The following SPECC1 variants were observed in gnomAD, a reference collection of about 807,000 sequenced individuals.
The protein encoded by SPECC1 is cytospin-B.
SPECC1 carries 62 observed loss-of-function variants against 104.1 expected under a neutral mutation model. That is an observed-to-expected ratio of 0.60 (90% CI 0.49 to 0.74). The LOEUF (loss-of-function observed/expected upper bound fraction) is 0.74. Ranked by LOEUF, SPECC1 falls within the 30% of genes least tolerant of loss-of-function variation. The pLI is 0.00. For missense variants in SPECC1, 1,306 were observed against 1,310.5 expected (o/e 1.00, Z 0.05); for synonymous variants, 513 against 501.6 (o/e 1.02, Z -0.30).
chr17:20,317,259 A>ATTT lies in SPECC1; in HGVS notation c.*3213_*3215dup, dbSNP rs762643888. 8.5e-4 allele frequency: 59 copies of ATTT among 69,674 alleles called. 5 individuals are homozygous for ATTT. The highest frequency in any genetic ancestry group is 1.1e-3 in the Non-Finnish European group (45 of 42,722). 4.3% of individuals were successfully genotyped at this position (69,674 alleles called of 1,614,324 possible). ...GCAAGACCTCTGACTCTATAAAAAA[A>ATTT]TTTTTTTTTTTTTTTTTTTTTGAGA... On this transcript the variant is annotated 3_prime_UTR_variant, in exon 15 of 15. Transcript: ENST00000395527.
chr17:20,125,864 A>C (rs1171830932), intron 3 of SPECC1, among the ~76,000 whole-genome samples: 1 of 152,164 alleles, frequency 6.6e-6, no homozygotes. Context: ...AAGGTGCTGA[A>C]TTCTAAGCTT....
At chr17:20,288,255 C>T (rs73307292) in intron 12 of SPECC1, among the ~76,000 whole-genome samples, 3,148 of 152,136 alleles carry the variant, frequency 0.021, 124 homozygotes, top group African/African-American at 0.072. Context: ...GTGGACATAA[C>T]GTGTGCATGT....
chr17:20,308,777 G>C (rs1200971997), intron 14 of SPECC1, among the ~76,000 whole-genome samples: 1 of 152,202 alleles, frequency 6.6e-6, no homozygotes, highest in Non-Finnish European at 1.5e-5. Flanking sequence ...TTACACATCT[G>C]ACCAGGGTGG....
chr17:20,139,939 G>A (rs771583730), intron 3 of SPECC1, among the ~76,000 whole-genome samples: 9 of 152,114 alleles, frequency 5.9e-5, no homozygotes, highest in Non-Finnish European at 1.0e-4. Flanking sequence ...CTCCCAAAGT[G>A]CCGGGATTAC....
chr17:20,210,402 C>T (rs2703810), intron 4 of SPECC1, among the ~76,000 whole-genome samples: 107,804 of 152,154 alleles, frequency 0.71, 40,004 homozygotes, highest in East Asian at 0.99. Flanking sequence ...TCTGGACCTC[C>T]TGCCAGGGGT....
At chr17:20,087,803 G>A (rs933277292) in intron 1 of SPECC1, among the ~76,000 whole-genome samples, 1 of 152,234 alleles carries the variant, frequency 6.6e-6, no homozygotes, top group Non-Finnish European at 1.5e-5. Flanking sequence ...ATCGATGGCA[G>A]TGAGAGTCTT....
intron 7 of SPECC1, among the ~76,000 whole-genome samples, chr17:20,243,939 A>G (rs998855853): frequency 6.6e-6 from 1 of 152,174 alleles, no homozygotes; most frequent in Non-Finnish European, 1.5e-5. Flanking sequence ...GAAGGTGGCC[A>G]GGCGCAGTGG....
chr17:20,200,890 TAAAAA>T (rs752221811), intron 3 of SPECC1, among the ~76,000 whole-genome samples: 1 of 125,256 alleles, frequency 8.0e-6, no homozygotes. Flanking sequence ...ACAGACATAG[TAAAAA>T]AAAAAAAAAA....
intron 1 of SPECC1, among the ~76,000 whole-genome samples, chr17:20,094,880 A>G (rs1189619185): frequency 6.6e-6 from 1 of 152,226 alleles, no homozygotes; most frequent in African/African-American, 2.4e-5. Flanking sequence ...AATTACAGGC[A>G]TGAGCCACTG....
intron 3 of SPECC1, among the ~76,000 whole-genome samples, chr17:20,148,532 C>T: frequency 8.4e-6 from 1 of 118,752 alleles, no homozygotes; most frequent in South Asian, 2.5e-4. Context: ...AAAAGCAGTA[C>T]ATGTGCACTA....
chr17:20,115,748 T>C (rs566385957), intron 3 of SPECC1, among the ~76,000 whole-genome samples: 12 of 152,314 alleles, frequency 7.9e-5, no homozygotes, highest in African/African-American at 2.4e-4. Context: ...TGATAGACTA[T>C]ACATGTGCAG....
intron 3 of SPECC1, chr17:20,112,917 G>A: frequency 2.6e-6 from 4 of 1,522,636 alleles, no homozygotes; most frequent in Non-Finnish European, 3.6e-6. Flanking sequence ...GCCAACCTGA[G>A]AGGGTCCAAC....
chr17:20,269,733 G>C (rs963362912), intron 12 of SPECC1, among the ~76,000 whole-genome samples: 1 of 152,196 alleles, frequency 6.6e-6, no homozygotes. Context: ...AAACATGTCC[G>C]TGACTGCTGG....
intron 3 of SPECC1, among the ~76,000 whole-genome samples, chr17:20,197,819 C>G (rs2036137936): frequency 6.6e-6 from 1 of 152,202 alleles, no homozygotes; most frequent in Non-Finnish European, 1.5e-5. Flanking sequence ...TATCCTAAAG[C>G]ACCCCTTGAC....
chr17:20,282,569 TAAG>T (rs1364078500), intron 12 of SPECC1, among the ~76,000 whole-genome samples: 1 of 152,204 alleles, frequency 6.6e-6, no homozygotes, highest in Non-Finnish European at 1.5e-5. Flanking sequence ...AATAAGCAAC[TAAG>T]AAGAGCCAAA....
chr17:20,082,124 G>A (rs1010639960), intron 1 of SPECC1, among the ~76,000 whole-genome samples: 2 of 152,160 alleles, frequency 1.3e-5, no homozygotes, highest in African/African-American at 2.4e-5. Flanking sequence ...GTGCTCGCGC[G>A]CTGTGGCCAA....
intron 12 of SPECC1, among the ~76,000 whole-genome samples, chr17:20,284,248 C>A (rs527789884): frequency 3.3e-5 from 5 of 152,352 alleles, no homozygotes; most frequent in African/African-American, 1.2e-4. Flanking sequence ...AGGGAGCTGG[C>A]CTCTGAGCAG....
chr17:20,076,156 A>G (rs1468818480), intron 1 of SPECC1, among the ~76,000 whole-genome samples: 2 of 152,200 alleles, frequency 1.3e-5, no homozygotes, highest in Non-Finnish European at 2.9e-5. Context: ...ACAACTAGAT[A>G]TTATAGCATA....
intron 14 of SPECC1, among the ~76,000 whole-genome samples, chr17:20,308,281 C>T (rs533947609): frequency 4.1e-5 from 6 of 147,130 alleles, no homozygotes; most frequent in African/African-American, 7.6e-5. Flanking sequence ...CCCAGCTACT[C>T]GGGAGGCTGA....
Sources: gnomAD v4.1 joint callset for allele counts (sites outside exome capture counted in the v4.1 genomes callset) on GRCh38, gnomAD v4.1.1 for gene constraint, MANE v1.5 for transcripts, NCBI Gene and HGNC (gene_info 2026-07-23, HGNC 2026-07-21) for gene names.